Variants in LRTM3 observed in about 807,000 individuals in gnomAD.
LRTM3 encodes the protein leucine rich repeat transmembrane protein 3.
chr13:102,735,736 T>G, the LRTM3 span: 3 of 1,548,990 alleles, frequency 1.9e-6, no homozygotes, highest in Non-Finnish European at 2.6e-6. Context: ...CAGTATATGC[T>G]TTTTTGCCTG....
the LRTM3 span, chr13:102,737,512 C>A: frequency 1.3e-6 from 2 of 1,550,540 alleles, no homozygotes; most frequent in Non-Finnish European, 8.7e-7. Flanking sequence ...TGTTCCCTTG[C>A]TCCTCACCTT....
the LRTM3 span, chr13:102,739,273 G>A: frequency 3.9e-6 from 6 of 1,550,130 alleles, no homozygotes; most frequent in Non-Finnish European, 5.2e-6. Context: ...TGATACATTT[G>A]AGGCCCATTA....
At chr13:102,740,557 T>C in the LRTM3 span, 5 of 1,549,418 alleles carry the variant, frequency 3.2e-6, no homozygotes, top group Admixed American at 2.0e-5. Context: ...CTTGTCTTTT[T>C]TTACTGTTTT....
the LRTM3 span, chr13:102,737,664 T>C: frequency 6.4e-7 from 1 of 1,550,826 alleles, no homozygotes; most frequent in Non-Finnish European, 8.7e-7. Flanking sequence ...TCAGCTGATA[T>C]TTTTACTTCA....
At chr13:102,736,432 T>C in the LRTM3 span, 2 of 1,551,040 alleles carry the variant, frequency 1.3e-6, no homozygotes, top group East Asian at 2.4e-5. Flanking sequence ...CTTCTTTCTG[T>C]GGAAGGAGTT....
the LRTM3 span, chr13:102,730,873 C>A: frequency 1.3e-6 from 2 of 1,551,298 alleles, no homozygotes; most frequent in South Asian, 1.2e-5. Context: ...GGAGAGATTT[C>A]TCCTCAGAAA....
the LRTM3 span, chr13:102,730,504 T>C: frequency 6.4e-7 from 1 of 1,551,566 alleles, no homozygotes; most frequent in Non-Finnish European, 8.7e-7. Flanking sequence ...ATACATGATA[T>C]TGTTTGTTTT....
At chr13:102,736,917 A>G in the LRTM3 span, 2 of 1,551,164 alleles carry the variant, frequency 1.3e-6, no homozygotes, top group Non-Finnish European at 1.7e-6. Flanking sequence ...GGAAGAAAAG[A>G]TCTTGTTACT....
the LRTM3 span, chr13:102,743,903 A>C: frequency 6.4e-7 from 1 of 1,550,694 alleles, no homozygotes; most frequent in Admixed American, 2.0e-5. Flanking sequence ...GAAATCTAAA[A>C]GACCCAAGAA....
At chr13:102,756,565 T>C in the LRTM3 span, among the ~76,000 whole-genome samples, 6 of 150,472 alleles carry the variant, frequency 4.0e-5, no homozygotes, top group African/African-American at 1.2e-4. Context: ...TCCCAGCTTC[T>C]ATGGAGGCTG....
the LRTM3 span, chr13:102,735,266 T>A: frequency 6.4e-7 from 1 of 1,551,360 alleles, no homozygotes; most frequent in South Asian, 1.2e-5. Flanking sequence ...TTTTTCTCTA[T>A]CCTTCTCTTC....
At chr13:102,731,463 C>A in the LRTM3 span, 1 of 1,551,172 alleles carries the variant, frequency 6.4e-7, no homozygotes, top group Non-Finnish European at 8.7e-7. Flanking sequence ...TTATTTTTTT[C>A]TTTGGGAGTA....
chr13:102,741,797 C>T, the LRTM3 span: 1 of 1,550,374 alleles, frequency 6.5e-7, no homozygotes, highest in Non-Finnish European at 8.7e-7. Flanking sequence ...TTCCTTTGCT[C>T]TTTGTGCAAT....
chr13:102,738,801 C>T, the LRTM3 span: 10 of 1,550,246 alleles, frequency 6.5e-6, no homozygotes, highest in Non-Finnish European at 7.9e-6. Flanking sequence ...CAAATCTCAA[C>T]TTCTTTATCT....
the LRTM3 span, chr13:102,733,996 C>G: frequency 1.9e-6 from 3 of 1,551,166 alleles, no homozygotes; most frequent in South Asian, 3.6e-5. Flanking sequence ...CTGTTTTGTT[C>G]CCTGAATCCA....
the LRTM3 span, chr13:102,746,294 T>TTTC: frequency 6.4e-7 from 1 of 1,550,974 alleles, no homozygotes; most frequent in East Asian, 2.4e-5. Flanking sequence ...TAAAACTTTA[T>TTTC]GTTCCTCTTC....
At chr13:102,752,162 C>T in the LRTM3 span, among the ~76,000 whole-genome samples, 1 of 152,148 alleles carries the variant, frequency 6.6e-6, no homozygotes, top group Non-Finnish European at 1.5e-5. Flanking sequence ...TTTCATGTCC[C>T]CTGCTTCACC....
chr13:102,758,764 C>A, the LRTM3 span: 4 of 1,551,110 alleles, frequency 2.6e-6, no homozygotes, highest in Middle Eastern at 1.7e-4. Flanking sequence ...GATGCACAAG[C>A]TTTCATGAGT....
At chr13:102,738,069 C>A in the LRTM3 span, 1 of 1,550,408 alleles carries the variant, frequency 6.4e-7, no homozygotes, top group South Asian at 1.2e-5. Flanking sequence ...TGCTCCTCAC[C>A]TTCTCTGTCC....
Sources: allele counts gnomAD v4.1 joint callset (sites outside exome capture counted in the v4.1 genomes callset), GRCh38; gene constraint gnomAD v4.1.1; transcripts MANE v1.5; gene names NCBI Gene and HGNC (gene_info 2026-07-23, HGNC 2026-07-21).